ATRNL1: variants seen among roughly 807,000 people sequenced by gnomAD.
ATRNL1 encodes attractin-like protein 1.
A neutral mutation model predicts 182.7 loss-of-function variants in ATRNL1; 95 were observed. The observed-to-expected ratio is 0.52, with a 90% CI of 0.44 to 0.62. The LOEUF (loss-of-function observed/expected upper bound fraction) is 0.62, where lower values mean the gene tolerates loss of function less well. Ranked by LOEUF, ATRNL1 falls within the 20% of genes least tolerant of loss-of-function variation. The pLI is 0.00. For missense variants in ATRNL1, 1,471 were observed against 1,679.5 expected (o/e 0.88, Z 2.17); for synonymous variants, 576 against 568.3 (o/e 1.01, Z -0.19).
chr10:115,741,803 A>T (rs1375997125), intron 27 of ATRNL1, among the ~76,000 whole-genome samples: 1 of 152,214 alleles, frequency 6.6e-6, no homozygotes, highest in African/African-American at 2.4e-5. Flanking sequence ...GGTCTTCTTC[A>T]TATGTACTTG....
At chr10:115,221,891 A>G (rs576168046) in intron 9 of ATRNL1, among the ~76,000 whole-genome samples, 14 of 152,250 alleles carry the variant, frequency 9.2e-5, no homozygotes, top group Admixed American at 2.6e-4. Context: ...ATTGAGTGAG[A>G]TAACATCATA....
At chr10:115,239,923 GA>G (rs1554902448) in intron 9 of ATRNL1, among the ~76,000 whole-genome samples, 2 of 152,122 alleles carry the variant, frequency 1.3e-5, no homozygotes, top group African/African-American at 2.4e-5. Context: ...CACTCCTAGT[GA>G]GATATCGCTG....
chr10:115,359,061 C>T (rs1856625976), intron 19 of ATRNL1, among the ~76,000 whole-genome samples: 1 of 151,592 alleles, frequency 6.6e-6, no homozygotes, highest in African/African-American at 2.4e-5. Context: ...ACTCATTTTT[C>T]AAATCTCAGC....
At chr10:115,759,794 G>A (rs2960724) in intron 27 of ATRNL1, among the ~76,000 whole-genome samples, 2 of 146,190 alleles carry the variant, frequency 1.4e-5, no homozygotes, top group African/African-American at 5.1e-5. Flanking sequence ...TCCTGCCTCA[G>A]CCTCCTGAGT....
chr10:115,166,185 C>T (rs1414029989), intron 7 of ATRNL1, among the ~76,000 whole-genome samples: 1 of 152,038 alleles, frequency 6.6e-6, no homozygotes, highest in Non-Finnish European at 1.5e-5. Flanking sequence ...ATTTGTGTCC[C>T]TTAGCACACT....
intron 24 of ATRNL1, among the ~76,000 whole-genome samples, chr10:115,499,340 C>T (rs1364044086): frequency 6.6e-6 from 1 of 152,060 alleles, no homozygotes; most frequent in Admixed American, 6.6e-5. Context: ...AAAAGTAATG[C>T]TTGTTTTCTA....
chr10:115,274,629 T>A (rs556835857), intron 13 of ATRNL1, among the ~76,000 whole-genome samples: 4 of 152,304 alleles, frequency 2.6e-5, no homozygotes, highest in South Asian at 2.1e-4. Context: ...CAGTGTGATG[T>A]CTTGTGGAAT....
At chr10:115,344,589 T>G (rs11517121) in intron 19 of ATRNL1, among the ~76,000 whole-genome samples, 34,823 of 152,080 alleles carry the variant, frequency 0.23, 5,036 homozygotes, top group Non-Finnish European at 0.32. Flanking sequence ...AGTCCTAAAA[T>G]TGGGGATCCC....
chr10:115,149,894 G>A (rs1473367568), intron 5 of ATRNL1, among the ~76,000 whole-genome samples: 1 of 104,114 alleles, frequency 9.6e-6, no homozygotes, highest in South Asian at 2.9e-4. Context: ...TTTTTTTTTT[G>A]GACTAGCTTG....
chr10:115,705,081 A>C (rs1351440671), intron 26 of ATRNL1, among the ~76,000 whole-genome samples: 1 of 151,914 alleles, frequency 6.6e-6, no homozygotes, highest in Non-Finnish European at 1.5e-5. Flanking sequence ...CTGAAGACAG[A>C]GAATCTCAAT....
At chr10:115,186,959 TAAAA>T (rs566656248) in intron 8 of ATRNL1, among the ~76,000 whole-genome samples, 180 of 151,992 alleles carry the variant, frequency 1.2e-3, no homozygotes, top group African/African-American at 4.1e-3. Context: ...AAATTAAAAA[TAAAA>T]AAATTTATAA....
At chr10:115,569,518 A>G (rs782100331) in intron 26 of ATRNL1, among the ~76,000 whole-genome samples, 3 of 152,174 alleles carry the variant, frequency 2.0e-5, no homozygotes, top group Non-Finnish European at 4.4e-5. Flanking sequence ...GCTACCTGCT[A>G]AGTGGGAAAT....
At chr10:115,109,168 T>C (rs79238757) in intron 1 of ATRNL1, among the ~76,000 whole-genome samples, 2,091 of 150,930 alleles carry the variant, frequency 0.014, 43 homozygotes, top group African/African-American at 0.044. Context: ...CCTTTTTTTT[T>C]CCCAAACTCT....
In ATRNL1 at chr10:115,245,213, A is replaced by G. The variant is rs191057357; in HGVS notation, c.1687+3488A>G. On this transcript the variant is annotated intron_variant, in intron 10 of 28. Coordinates refer to ENST00000355044, the MANE Select transcript of ATRNL1 (RefSeq NM_207303.4). ...TCTGTATACTCTTAAAAGATCACTT[A>G]ACTGGCCGGGCACGGTGGCTGACTC... Among the ~76,000 whole-genome samples, 168 of 152,200 alleles carry G rather than the reference A, an allele frequency of 1.1e-3. 1 individual carries two copies. Among genetic ancestry groups the G allele is most frequent in the Non-Finnish European group, 1.2e-3 (81 of 68,002 alleles).
chr10:115,454,184 A>G (rs1565060650), intron 21 of ATRNL1, among the ~76,000 whole-genome samples: 1 of 152,030 alleles, frequency 6.6e-6, no homozygotes, highest in Non-Finnish European at 1.5e-5. Context: ...TGTTCTTGGC[A>G]TCCTTGTTGA....
At chr10:115,438,506 A>T (rs181398496) in intron 21 of ATRNL1, among the ~76,000 whole-genome samples, 1 of 151,962 alleles carries the variant, frequency 6.6e-6, no homozygotes, top group Non-Finnish European at 1.5e-5. Flanking sequence ...CCTAATCATT[A>T]GTTTTTAATA....
chr10:115,387,789 A>G (rs1470348979), intron 19 of ATRNL1, among the ~76,000 whole-genome samples: 2 of 152,168 alleles, frequency 1.3e-5, no homozygotes, highest in Non-Finnish European at 2.9e-5. Context: ...GCTGAATTAT[A>G]TTCCATTGTA....
chr10:115,204,842 A>G (rs1554893402), intron 8 of ATRNL1, among the ~76,000 whole-genome samples: 1 of 151,986 alleles, frequency 6.6e-6, no homozygotes, highest in African/African-American at 2.4e-5. Context: ...TTTGAAAAGG[A>G]TTGTTGTTAA....
At chr10:115,332,958 A>G (rs1338324129) in intron 18 of ATRNL1, among the ~76,000 whole-genome samples, 1 of 152,152 alleles carries the variant, frequency 6.6e-6, no homozygotes, top group Non-Finnish European at 1.5e-5. Flanking sequence ...TCCACATAGC[A>G]TTGTTTTGAA....
Sources: allele counts gnomAD v4.1 joint callset (sites outside exome capture counted in the v4.1 genomes callset), GRCh38; gene constraint gnomAD v4.1.1; transcripts MANE v1.5; gene names NCBI Gene and HGNC (gene_info 2026-07-23, HGNC 2026-07-21).